Variants in PPP1R12B observed in about 807,000 individuals in gnomAD.
The protein encoded by PPP1R12B is myosin phosphatase target subunit 2.
Under a neutral mutation model 126.1 loss-of-function variants are expected in PPP1R12B, and 76 were observed. That is an observed-to-expected ratio of 0.60 (90% CI 0.50 to 0.73). The LOEUF (loss-of-function observed/expected upper bound fraction) is 0.73, where lower values mean the gene tolerates loss of function less well. Among genes scored for constraint, PPP1R12B ranks in the 30% least tolerant of loss-of-function variants. The pLI is 0.00. For missense variants in PPP1R12B, 1,052 were observed against 1,205.1 expected (o/e 0.87, Z 1.88); for synonymous variants, 356 against 434.7 (o/e 0.82, Z 2.25).
chr1:202,386,505 G>A (rs1393134991), intron 1 of PPP1R12B, among the ~76,000 whole-genome samples: 3 of 151,808 alleles, frequency 2.0e-5, no homozygotes, highest in Non-Finnish European at 4.4e-5. Flanking sequence ...CTAATTTTTT[G>A]TATTTTTAGT....
intron 1 of PPP1R12B, among the ~76,000 whole-genome samples, chr1:202,397,970 G>A (rs571384596): frequency 1.3e-5 from 2 of 152,276 alleles, no homozygotes; most frequent in East Asian, 3.9e-4. Context: ...GGAGTGCAGT[G>A]GTGCAATCTC....
intron 23 of PPP1R12B, among the ~76,000 whole-genome samples, chr1:202,574,578 C>T (rs763265529): frequency 1.3e-5 from 2 of 152,130 alleles, no homozygotes; most frequent in Non-Finnish European, 2.9e-5. Context: ...AAAGGGGCAG[C>T]AGCTAGATTT....
intron 23 of PPP1R12B, among the ~76,000 whole-genome samples, chr1:202,573,591 A>G (rs1047137583): frequency 2.6e-5 from 4 of 152,178 alleles, no homozygotes; most frequent in Non-Finnish European, 5.9e-5. Flanking sequence ...TAAAAAAATC[A>G]TTATTCTCCT....
At chr1:202,552,200 T>C (rs933887112) in intron 18 of PPP1R12B, among the ~76,000 whole-genome samples, 2 of 152,252 alleles carry the variant, frequency 1.3e-5, no homozygotes, top group African/African-American at 4.8e-5. Flanking sequence ...GTCACATCTT[T>C]GCATAAATCT....
chr1:202,446,257 T>TATATA (rs1491304391), intron 12 of PPP1R12B, among the ~76,000 whole-genome samples: 2 of 20,948 alleles, frequency 9.5e-5, no homozygotes, highest in East Asian at 4.3e-3. Flanking sequence ...TATATATATA[T>TATATA]TTTTTTTTTT....
intron 1 of PPP1R12B, among the ~76,000 whole-genome samples, chr1:202,364,540 C>T (rs1336195082): frequency 6.6e-6 from 1 of 151,630 alleles, no homozygotes; most frequent in Non-Finnish European, 1.5e-5. Flanking sequence ...ATTCCTCCTG[C>T]CTCATTTTTT....
rs1267784166 is a variant in PPP1R12B at position 202,592,455 on chromosome 1, A to G, written c.*11895A>G. The G allele has an allele frequency of 6.6e-6, 1 of 152,356 alleles. No homozygotes were observed. Among genetic ancestry groups the G allele is most frequent in the Admixed American group, 6.5e-5 (1 of 15,286 alleles). The allele number at this position is 152,356 out of a possible 1,614,324, so 9.4% of individuals were successfully genotyped here. A position where few individuals can be genotyped will look rare whatever the true frequency, so the allele number is the denominator to read the frequency against. On this transcript the variant is annotated 3_prime_UTR_variant, in exon 24 of 24. Coordinates refer to ENST00000608999, the MANE Select transcript of PPP1R12B (RefSeq NM_002481.4). ...GACATAAAATCAAAGGAGCAGCCTC[A>G]ACCAGTTCTGTAAAATGGGTTTGAG... is the stretch of plus-strand genomic sequence containing the variant.
chr1:202,545,547 T>A (rs868441202), intron 18 of PPP1R12B, among the ~76,000 whole-genome samples: 2 of 152,226 alleles, frequency 1.3e-5, no homozygotes, highest in Non-Finnish European at 2.9e-5. Context: ...CCCACAACAT[T>A]TTATGAGCAT....
Position 202,582,713 on chromosome 1 carries a change from A to G in PPP1R12B, c.*2153A>G, listed in dbSNP as rs922442857. The stretch of plus-strand genomic sequence containing the variant: ...ATCCTGGCTAACACGGTGAAACCCA[A>G]TCTCTACTAAAAATACAAAAAATTA... On this transcript the variant is annotated 3_prime_UTR_variant, in exon 24 of 24. Transcript: ENST00000608999. 3.3e-5 allele frequency: 5 copies of G among 152,196 alleles called. No individual in the cohort carries two copies. 9.4% of individuals were successfully genotyped at this position (152,196 alleles called of 1,614,324 possible). A position where few individuals can be genotyped will look rare whatever the true frequency, so the allele number is the denominator to read the frequency against.
intron 1 of PPP1R12B, chr1:202,369,438 A>G (rs1238573193): frequency 2.0e-5 from 3 of 152,480 alleles, no homozygotes; most frequent in Admixed American, 1.3e-4. Context: ...CAACAAAAAT[A>G]TTCTGTGAGT....
chr1:202,551,418 A>G (rs1686308087), intron 18 of PPP1R12B, among the ~76,000 whole-genome samples: 1 of 152,146 alleles, frequency 6.6e-6, no homozygotes, highest in Admixed American at 6.6e-5. Context: ...CCTGCATAAG[A>G]CAGCACTTTT....
In PPP1R12B at chr1:202,470,192, A is replaced by G. The variant is rs376357440; in HGVS notation, c.1851-18341A>G. 6.0e-4 allele frequency among the ~76,000 whole-genome samples: 92 copies of G among 152,322 alleles called. No individual in the cohort carries two copies. In the South Asian group the frequency reaches 0.011, roughly 18 times the overall value. On this transcript the variant is annotated intron_variant, in intron 13 of 23. Coordinates refer to ENST00000608999, the MANE Select transcript of PPP1R12B (RefSeq NM_002481.4). ...TCCTGATTGCCTACTTACGCAAGCTAGAACTCCTTTTTCTACCACTTCTGA... is the reference window on the plus strand; with the variant it reads ...TCCTGATTGCCTACTTACGCAAGCTGGAACTCCTTTTTCTACCACTTCTGA...
intron 1 of PPP1R12B, among the ~76,000 whole-genome samples, chr1:202,359,156 TC>T (rs1657672428): frequency 6.6e-6 from 1 of 152,092 alleles, no homozygotes; most frequent in African/African-American, 2.4e-5. Context: ...TTTTTTTTTT[TC>T]TTTTGAGATG....
intron 1 of PPP1R12B, among the ~76,000 whole-genome samples, chr1:202,368,222 C>T (rs552160807): frequency 2.0e-5 from 3 of 152,086 alleles, no homozygotes; most frequent in African/African-American, 4.8e-5. Context: ...CTGCCTCCCT[C>T]GGCCTCCCAA....
Position 202,348,794 on chromosome 1 carries a change from G to T in PPP1R12B, c.-58G>T. On this transcript the variant is annotated 5_prime_UTR_variant, in exon 1 of 24. Transcript: ENST00000608999. ...CTGAGAGAGGCGGCAGCGGCAACTC[G>T]AGCCCCAACAGTAATTTAGTGTTGG... The T allele has an allele frequency of 1.3e-6, 2 of 1,535,542 alleles. No homozygotes were observed. Among genetic ancestry groups the T allele is most frequent in the South Asian group, 1.3e-5 (1 of 78,180 alleles).
intron 13 of PPP1R12B, 86 bp from the exon 14 acceptor site, chr1:202,488,447 C>T: frequency 9.7e-7 from 1 of 1,033,194 alleles, no homozygotes; most frequent in South Asian, 1.6e-5. Flanking sequence ...ATGTAGAAAT[C>T]TCTTCAATAT....
intron 1 of PPP1R12B, among the ~76,000 whole-genome samples, chr1:202,404,664 T>G (rs1666335728): frequency 6.6e-6 from 1 of 152,004 alleles, no homozygotes; most frequent in African/African-American, 2.4e-5. Context: ...CACGCCTGGC[T>G]AATTTTTTGT....
intron 13 of PPP1R12B, among the ~76,000 whole-genome samples, chr1:202,488,081 G>A (rs896395428): frequency 6.6e-6 from 1 of 152,134 alleles, no homozygotes; most frequent in African/African-American, 2.4e-5. Flanking sequence ...ATAACAAAAT[G>A]CCAGCATCAC....
At chr1:202,512,756 C>G (rs1307940431) in intron 18 of PPP1R12B, among the ~76,000 whole-genome samples, 1 of 152,098 alleles carries the variant, frequency 6.6e-6, no homozygotes, top group Admixed American at 6.5e-5. Flanking sequence ...TATTTTCATT[C>G]TCTAGAATTC....
Sources: allele counts gnomAD v4.1 joint callset (sites outside exome capture counted in the v4.1 genomes callset), GRCh38; gene constraint gnomAD v4.1.1; transcripts MANE v1.5; gene names NCBI Gene and HGNC (gene_info 2026-07-23, HGNC 2026-07-21).